ABHD12: variants seen among roughly 807,000 people sequenced by gnomAD.
ABHD12 encodes the protein abhydrolase domain containing 12, lysophospholipase, also known as lysophosphatidylserine lipase ABHD12.
A neutral mutation model predicts 58.3 loss-of-function variants in ABHD12; 43 were observed. The ratio of observed to expected loss-of-function variants is 0.74; its 90% CI spans 0.58 to 0.95. ABHD12 has a LOEUF of 0.95. Ranked by LOEUF, ABHD12 falls within the 40% of genes least tolerant of loss-of-function variation. The pLI is 0.00. For missense variants in ABHD12, 539 were observed against 537.2 expected (o/e 1.00, Z -0.03); for synonymous variants, 219 against 211.2 (o/e 1.04, Z -0.32).
chr20:25,367,703 A>G (rs1379998178), intron 1 of ABHD12, among the ~76,000 whole-genome samples: 1 of 148,502 alleles, frequency 6.7e-6, no homozygotes, highest in African/African-American at 2.6e-5. Flanking sequence ...TTCATTTAGC[A>G]TAATGTCTTC....
chr20:25,309,642 C>T, intron 6 of ABHD12, 67 bp from the exon 7 acceptor site: 1 of 1,604,134 alleles, frequency 6.2e-7, no homozygotes, highest in Non-Finnish European at 8.5e-7. Flanking sequence ...AAACACACCT[C>T]CCCAAGGGGG....
chr20:25,354,892 C>T (rs2089647599), intron 1 of ABHD12, among the ~76,000 whole-genome samples: 1 of 152,192 alleles, frequency 6.6e-6, no homozygotes, highest in Admixed American at 6.5e-5. Context: ...ACATCTATCC[C>T]TTCTTTTACC....
At chr20:25,301,379 C>G (rs1427713029) in intron 12 of ABHD12, among the ~76,000 whole-genome samples, 1 of 152,230 alleles carries the variant, frequency 6.6e-6, no homozygotes, top group African/African-American at 2.4e-5. Context: ...TTTCAGTCCC[C>G]TGCAGGGAGA....
rs781196702 is a variant in ABHD12, at chr20:25,388,664, GTCTC to G, written c.191+1845_191+1848del. Reference sequence around the variant, plus strand: ...CAAAGGATATGGACACCACTGGAATGTCTCTCTTTGTCCTGACACGAAAATAAAA... The same window carrying G: ...CAAAGGATATGGACACCACTGGAATGTCTTTGTCCTGACACGAAAATAAAA... On this transcript the variant is annotated intron_variant, in intron 1 of 12. Transcript: ENST00000339157. Among the ~76,000 whole-genome samples the G allele has an allele frequency of 2.9e-4, 44 of 152,192 alleles. 1 individual carries two copies. The highest frequency in any genetic ancestry group is 1.5e-3 in the South Asian group (7 of 4,824).
At chr20:25,386,220 T>C (rs938767800) in intron 1 of ABHD12, among the ~76,000 whole-genome samples, 3 of 151,566 alleles carry the variant, frequency 2.0e-5, no homozygotes, top group Admixed American at 6.6e-5. Context: ...TAAGAGAAAA[T>C]TACAGACTAT....
At chr20:25,295,502 C>G, downstream of ABHD12, 1 of 1,349,762 alleles carries the variant, frequency 7.4e-7, no homozygotes, top group South Asian at 1.2e-5. Context: ...CAGACAGGAC[C>G]AGGTGGATGG....
chr20:25,359,152 T>TG lies in ABHD12; in HGVS notation c.192-19802dup, dbSNP rs2089707117. Among the ~76,000 whole-genome samples, 3 of 150,262 alleles carry TG rather than the reference T, an allele frequency of 2.0e-5. No individual in the cohort carries two copies. In the South Asian group the frequency reaches 6.3e-4, roughly 32 times the overall value. ...TAACATTTCTATTGGCCGGGCGTGG[T>TG]GGCTCACGCTTGTAATCCCAGCACT... On this transcript the variant is annotated intron_variant, in intron 1 of 12. Coordinates refer to ENST00000339157, the MANE Select transcript of ABHD12 (RefSeq NM_001042472.3).
chr20:25,304,033 C>T (rs921934594), intron 10 of ABHD12, among the ~76,000 whole-genome samples: 1 of 152,276 alleles, frequency 6.6e-6, no homozygotes, highest in Admixed American at 6.5e-5. Flanking sequence ...CACTCCAACT[C>T]TAAACACTTA....
At chr20:25,385,657 C>T (rs1274947102) in intron 1 of ABHD12, among the ~76,000 whole-genome samples, 1 of 150,588 alleles carries the variant, frequency 6.6e-6, no homozygotes, top group Non-Finnish European at 1.5e-5. Context: ...CCAGCCTAGG[C>T]AACGTGGCAA....
At chr20:25,322,381 A>ATATATATATATATTTTTTTTTTTT in intron 3 of ABHD12, among the ~76,000 whole-genome samples, 1 of 59,268 alleles carries the variant, frequency 1.7e-5, no homozygotes, top group Non-Finnish European at 3.2e-5. Context: ...ATATATATAT[A>ATATATATATATATTTTTTTTTTTT]TTTTTTTTTT....
intron 1 of ABHD12, among the ~76,000 whole-genome samples, chr20:25,378,485 G>C (rs2089985247): frequency 6.6e-6 from 1 of 152,102 alleles, no homozygotes; most frequent in African/African-American, 2.4e-5. Flanking sequence ...AAGGATGAAG[G>C]GGTAGGGCAT....
At chr20:25,314,400 G>A (rs2088921388) in intron 6 of ABHD12, among the ~76,000 whole-genome samples, 1 of 152,124 alleles carries the variant, frequency 6.6e-6, no homozygotes, top group Admixed American at 6.5e-5. Flanking sequence ...GCTGCAGGTT[G>A]GGTGCAGTGA....
chr20:25,321,415 T>C (rs1323869768), intron 3 of ABHD12, among the ~76,000 whole-genome samples: 1 of 152,214 alleles, frequency 6.6e-6, no homozygotes, highest in Non-Finnish European at 1.5e-5. Context: ...TTCAGGAAGC[T>C]GGTGGGAGGG....
At chr20:25,296,549 G>T, downstream of ABHD12, 1 of 1,590,940 alleles carries the variant, frequency 6.3e-7, no homozygotes, top group African/African-American at 1.3e-5. Context: ...CGGGACCAGC[G>T]GGCATTTGTT....
Position 25,301,544 on chromosome 20 carries a change from G to A in ABHD12, c.1158-660C>T, listed in dbSNP as rs2088635547. 2.0e-5 allele frequency among the ~76,000 whole-genome samples: 3 copies of A among 152,392 alleles called. No individual in the cohort carries two copies. In the South Asian group the frequency reaches 6.2e-4, roughly 32 times the overall value. ...GAAGCCTTGTCCCATGCACAGGGAG[G>A]GTTAGCATCTTGCCCAAGGCCACAC... On this transcript the variant is annotated intron_variant, in intron 12 of 12. Coordinates refer to ENST00000339157, the MANE Select transcript of ABHD12 (RefSeq NM_001042472.3).
At chr20:25,310,000 C>T (rs545582713) in intron 6 of ABHD12, among the ~76,000 whole-genome samples, 1 of 152,322 alleles carries the variant, frequency 6.6e-6, no homozygotes, top group Admixed American at 6.5e-5. Flanking sequence ...GGAGTGAGCT[C>T]ACTTCTCCCT....
chr20:25,337,322 T>A (rs2089388610), intron 2 of ABHD12, among the ~76,000 whole-genome samples: 1 of 152,154 alleles, frequency 6.6e-6, no homozygotes, highest in African/African-American at 2.4e-5. Flanking sequence ...AACTCCAGTG[T>A]GGCAAACAGG....
chr20:25,307,236 C>T (rs1018083574), intron 9 of ABHD12, among the ~76,000 whole-genome samples: 1 of 152,226 alleles, frequency 6.6e-6, no homozygotes, highest in Non-Finnish European at 1.5e-5. Flanking sequence ...CCAGTCTTCC[C>T]GCAGACACCA....
intron 1 of ABHD12, among the ~76,000 whole-genome samples, chr20:25,348,026 G>A (rs974955051): frequency 5.9e-5 from 9 of 151,700 alleles, no homozygotes; most frequent in Non-Finnish European, 1.0e-4. Context: ...CCTGGCCAAC[G>A]TGGTGAAAAC....
Sources: gnomAD v4.1 joint callset for allele counts (sites outside exome capture counted in the v4.1 genomes callset) on GRCh38, gnomAD v4.1.1 for gene constraint, MANE v1.5 for transcripts, NCBI Gene and HGNC (gene_info 2026-07-23, HGNC 2026-07-21) for gene names.